NIPSNAP2: variants seen among roughly 807,000 people sequenced by gnomAD.
NIPSNAP2 encodes nipsnap homolog 2, also known as protein NipSnap homolog 2.
A neutral mutation model predicts 48.4 loss-of-function variants in NIPSNAP2; 42 were observed. The ratio of observed to expected loss-of-function variants is 0.87; its 90% CI spans 0.68 to 1.12. The LOEUF (loss-of-function observed/expected upper bound fraction) is 1.12, where lower values mean the gene tolerates loss of function less well. NIPSNAP2 is among the 50% of genes most tolerant of loss of function. The pLI is 0.00. For synonymous variants in NIPSNAP2, 158 were observed against 126.6 expected (o/e 1.25, Z -1.67); for missense variants, 314 against 347.3 (o/e 0.90, Z 0.76).
intron 7 of NIPSNAP2, among the ~76,000 whole-genome samples, chr7:55,985,165 C>A (rs1232378923): frequency 1.3e-5 from 2 of 152,106 alleles, no homozygotes; most frequent in Non-Finnish European, 2.9e-5. Flanking sequence ...TCCCAGACAG[C>A]ATTCTATTTC....
At chr7:55,974,263 AAAAAG>A (rs957285022) in intron 1 of NIPSNAP2, among the ~76,000 whole-genome samples, 18 of 80,402 alleles carry the variant, frequency 2.2e-4, no homozygotes, top group Non-Finnish European at 3.5e-4. Flanking sequence ...TTAAGCAAAA[AAAAAG>A]AAAGAAAGAA....
At position 55,968,139 on chromosome 7, in the gene NIPSNAP2, A is replaced by G. The variant is rs1786937208; in HGVS notation, c.92+3438A>G. On this transcript the variant is annotated intron_variant, in intron 1 of 9. Transcript: ENST00000322090. ...ACATTTTCCTAGTAGAAAGATCTCTATGACACAAACCTTGACTGGTTCCTA... is the reference window on the plus strand; with the variant it reads ...ACATTTTCCTAGTAGAAAGATCTCTGTGACACAAACCTTGACTGGTTCCTA... 1.3e-5 allele frequency among the ~76,000 whole-genome samples: 2 copies of G among 152,236 alleles called. 1 individual carries two copies. Among genetic ancestry groups the G allele is most frequent in the South Asian group, 4.1e-4 (2 of 4,824 alleles).
At chr7:55,997,497 AT>A in intron 9 of NIPSNAP2, 48 bp downstream of exon 9, 1 of 1,418,998 alleles carries the variant, frequency 7.0e-7, no homozygotes, top group Non-Finnish European at 1.0e-6. Flanking sequence ...TACTGTTTCA[AT>A]CATGTTCTTT....
intron 7 of NIPSNAP2, among the ~76,000 whole-genome samples, chr7:55,992,196 C>A (rs1410630127): frequency 6.6e-6 from 1 of 152,066 alleles, no homozygotes; most frequent in African/African-American, 2.4e-5. Context: ...CCCATCATGG[C>A]ACTGAGCCCA....
At chr7:55,978,473 G>C in intron 3 of NIPSNAP2, 78 bp downstream of exon 3, 1 of 1,200,582 alleles carries the variant, frequency 8.3e-7, no homozygotes. Flanking sequence ...ACACTTGATA[G>C]CATAGAGAGA....
chr7:55,967,277 A>G (rs1289965624), intron 1 of NIPSNAP2, among the ~76,000 whole-genome samples: 1 of 152,256 alleles, frequency 6.6e-6, no homozygotes, highest in Non-Finnish European at 1.5e-5. Context: ...GCCAGACACC[A>G]GATGGTCTTC....
chr7:55,968,898 T>A (rs933892436), intron 1 of NIPSNAP2, among the ~76,000 whole-genome samples: 2 of 151,618 alleles, frequency 1.3e-5, no homozygotes, highest in Non-Finnish European at 2.9e-5. Context: ...ACTACAACAT[T>A]TAGCAGGGTG....
At chr7:55,972,526 G>A (rs979680075) in intron 1 of NIPSNAP2, among the ~76,000 whole-genome samples, 9 of 149,536 alleles carry the variant, frequency 6.0e-5, no homozygotes, top group Non-Finnish European at 7.4e-5. Context: ...TGCACCTCCC[G>A]GGTTCAAGCG....
At chr7:55,993,575 TAAAAAAA>T (rs11317055) in intron 7 of NIPSNAP2, among the ~76,000 whole-genome samples, 2 of 121,018 alleles carry the variant, frequency 1.7e-5, no homozygotes, top group Admixed American at 8.7e-5. Flanking sequence ...AGACTCCATC[TAAAAAAA>T]AAAAAAAAAA....
At chr7:55,964,765 G>C in intron 1 of NIPSNAP2, 64 bp downstream of exon 1, 1 of 863,974 alleles carries the variant, frequency 1.2e-6, no homozygotes. Flanking sequence ...GAGGGCGCGG[G>C]TTTCCCGGCG....
At position 55,997,396 on chromosome 7, in the gene NIPSNAP2, T is replaced by TA; in HGVS notation, c.744dup (p.Arg249ThrfsTer42). Reference sequence around the variant, plus strand: ...AGGGATCTTCAGACCAGGGAAGACATACGGAATGCAGCATGGCACAAACAT... The same window carrying TA: ...AGGGATCTTCAGACCAGGGAAGACATAACGGAATGCAGCATGGCACAAACAT... On this transcript the variant is annotated frameshift_variant, in exon 9 of 10. Transcript: ENST00000322090. LOFTEE classifies it high-confidence loss of function. 6.2e-7 allele frequency: 1 copy of TA among 1,613,926 alleles called. No homozygotes were observed. The highest frequency in any genetic ancestry group is 8.5e-7 in the Non-Finnish European group (1 of 1,179,848).
Position 55,967,061 on chromosome 7 carries a change from G to A in NIPSNAP2, c.92+2360G>A, listed in dbSNP as rs1296879128. On this transcript the variant is annotated intron_variant, in intron 1 of 9. Coordinates refer to ENST00000322090, the MANE Select transcript of NIPSNAP2 (RefSeq NM_001483.3). ...GCGTCCTCCCGGGAGCCTCATCCCT[G>A]CCTGTACATTAGCCAGCGTATTTCA... Among the ~76,000 whole-genome samples, 21 of 152,368 alleles carry A rather than the reference G, an allele frequency of 1.4e-4. No individual in the cohort carries two copies. In the East Asian group the frequency reaches 3.9e-3, roughly 28 times the overall value.
At chr7:55,989,854 C>T (rs1254916036) in intron 7 of NIPSNAP2, among the ~76,000 whole-genome samples, 11 of 151,994 alleles carry the variant, frequency 7.2e-5, no homozygotes, top group East Asian at 1.9e-4. Context: ...CGCCTGTAAT[C>T]CCAGCACTTT....
intron 7 of NIPSNAP2, among the ~76,000 whole-genome samples, chr7:55,992,602 C>T (rs768178852): frequency 5.3e-5 from 8 of 152,222 alleles, no homozygotes; most frequent in African/African-American, 9.6e-5. Flanking sequence ...AGAGAATGCT[C>T]AGCCAAGCCA....
intron 7 of NIPSNAP2, among the ~76,000 whole-genome samples, chr7:55,991,352 C>T (rs1033677067): frequency 2.6e-5 from 4 of 152,092 alleles, no homozygotes; most frequent in African/African-American, 7.2e-5. Context: ...TGTAGCTACT[C>T]ACGGAATAGG....
chr7:55,982,047 TC>T (rs1787227031), intron 4 of NIPSNAP2, 162 bp from the exon 5 acceptor site: 1 of 448,090 alleles, frequency 2.2e-6, no homozygotes, highest in Non-Finnish European at 4.2e-6. Flanking sequence ...CCTCAAGTGA[TC>T]CGCCTGTCTC....
chr7:55,998,204 G>T (rs1787604634), intron 9 of NIPSNAP2, among the ~76,000 whole-genome samples: 1 of 151,486 alleles, frequency 6.6e-6, no homozygotes, highest in Non-Finnish European at 1.5e-5. Flanking sequence ...GGTGGAGATT[G>T]TGCCACTGCA....
intron 1 of NIPSNAP2, among the ~76,000 whole-genome samples, chr7:55,973,109 G>GA (rs999902903): frequency 1.8e-4 from 24 of 135,818 alleles, no homozygotes; most frequent in East Asian, 1.3e-3. Context: ...CTGTCTCAAA[G>GA]AAAAAAAAAA....
At chr7:55,978,476 T>C (rs1039405625) in intron 3 of NIPSNAP2, 81 bp downstream of exon 3, 4 of 1,176,906 alleles carry the variant, frequency 3.4e-6, no homozygotes, top group Non-Finnish European at 4.8e-6. Flanking sequence ...CTTGATAGCA[T>C]AGAGAGAGAT....
Sources: gnomAD v4.1 joint callset for allele counts (sites outside exome capture counted in the v4.1 genomes callset) on GRCh38, gnomAD v4.1.1 for gene constraint, MANE v1.5 for transcripts, NCBI Gene and HGNC (gene_info 2026-07-23, HGNC 2026-07-21) for gene names.